SHMT1: variants seen among roughly 807,000 people sequenced by gnomAD.
The protein encoded by SHMT1 is serine hydroxymethyltransferase 1, also known as serine hydroxymethyltransferase, cytosolic.
A neutral mutation model predicts 49.0 loss-of-function variants in SHMT1; 45 were observed. The ratio of observed to expected loss-of-function variants is 0.92; its 90% CI spans 0.72 to 1.18. The LOEUF (loss-of-function observed/expected upper bound fraction) is 1.18, where lower values mean the gene tolerates loss of function less well. Ranked by LOEUF, SHMT1 falls within the 50% of genes most tolerant of loss-of-function variation. SHMT1 has a pLI of 0.00. For missense variants in SHMT1, 541 were observed against 612.4 expected, an observed-to-expected ratio of 0.88 and a Z score of 1.23; for synonymous variants, 232 against 246.6, an observed-to-expected ratio of 0.94 and a Z score of 0.55.
At chr17:18,337,260 C>T (rs1172255002) in intron 7 of SHMT1, among the ~76,000 whole-genome samples, 2 of 152,132 alleles carry the variant, frequency 1.3e-5, no homozygotes, top group African/African-American at 2.4e-5. Context: ...AGCGGGTGTG[C>T]GGCAGAGCTA....
intron 5 of SHMT1, among the ~76,000 whole-genome samples, chr17:18,346,917 T>A (rs1417426877): frequency 6.6e-6 from 1 of 152,204 alleles, no homozygotes; most frequent in Non-Finnish European, 1.5e-5. Flanking sequence ...TTTTGCACTA[T>A]CCTAAAGTTG....
intron 3 of SHMT1, among the ~76,000 whole-genome samples, chr17:18,350,924 G>A (rs1985624352): frequency 6.6e-6 from 1 of 151,600 alleles, no homozygotes. Flanking sequence ...GTAGAGACAG[G>A]GTTTCGACAT....
In SHMT1 at chr17:18,361,317, A is replaced by AAAAAAAC; in HGVS notation, c.-20+2054_-20+2055insGTTTTTT. ...CTGTCTCAAAAAAAAAAAAAAAAAC[A>AAAAAAAC]AAAACAAAAATTAGCCAGGCATGGT... On this transcript the variant is annotated intron_variant, in intron 1 of 11. Coordinates refer to ENST00000316694, the MANE Select transcript of SHMT1 (RefSeq NM_004169.5). 1.4e-5 allele frequency among the ~76,000 whole-genome samples: 2 copies of AAAAAAAC among 145,946 alleles called. 1 individual carries two copies.
At position 18,340,294 on chromosome 17, in the gene SHMT1, C is replaced by G; in HGVS notation, c.602-39G>C. The G allele has an allele frequency of 6.2e-7, 1 of 1,605,066 alleles. No individual in the cohort carries two copies. Among genetic ancestry groups the G allele is most frequent in the Non-Finnish European group, 8.5e-7 (1 of 1,172,786 alleles). Reference sequence around the variant, plus strand: ...GGTGACACAGCTGCATCAGAGATGTCCACCGGCCAGCTGAGTTGGCTTCAC... The same window carrying G: ...GGTGACACAGCTGCATCAGAGATGTGCACCGGCCAGCTGAGTTGGCTTCAC... On this transcript the variant is annotated intron_variant, in intron 6 of 11. Coordinates refer to ENST00000316694, the MANE Select transcript of SHMT1 (RefSeq NM_004169.5). This position sits in a 1 kb window ranked among gnomAD's most constrained non-coding sequence, Gnocchi z 4.5.
At position 18,332,773 on chromosome 17, in the gene SHMT1, C is replaced by T. The variant is rs373433946; in HGVS notation, c.1054+393G>A. 1.2e-4 allele frequency: 38 copies of T among 323,282 alleles called. No homozygotes were observed. In the East Asian group the frequency reaches 2.2e-3, roughly 19 times the overall value. The allele number at this position is 323,282 out of a possible 1,614,324, so 20.0% of individuals were successfully genotyped here. ...GAGAGCCCCTGCACCCCCAGCTCAG[C>T]GGGGTGAGAGAAGACACTCCCCTGG... On this transcript the variant is annotated intron_variant, in intron 9 of 11. Transcript: ENST00000316694.
At chr17:18,330,792 C>T in intron 9 of SHMT1, 121 bp from the exon 10 acceptor site, 1 of 727,700 alleles carries the variant, frequency 1.4e-6, no homozygotes, top group South Asian at 1.5e-5. Flanking sequence ...GTGAGCACCC[C>T]CACCACATGG....
chr17:18,329,531 CTAAAG>C (rs976360262), intron 10 of SHMT1, 143 bp from the exon 11 acceptor site: 1 of 708,438 alleles, frequency 1.4e-6, no homozygotes, highest in Non-Finnish European at 2.4e-6. Context: ...GATTCAGAAA[CTAAAG>C]TAGAACCCAA....
At chr17:18,353,887 C>T in intron 2 of SHMT1, 70 bp from the exon 3 acceptor site, 1 of 1,342,286 alleles carries the variant, frequency 7.4e-7, no homozygotes, top group Non-Finnish European at 1.1e-6. Flanking sequence ...ATCCAAATTA[C>T]AACCTCCTAA....
chr17:18,335,796 G>T, intron 7 of SHMT1, 121 bp from the exon 8 acceptor site: 1 of 797,586 alleles, frequency 1.3e-6, no homozygotes. Context: ...TCCTGGCATG[G>T]AGAACTGATT....
intron 7 of SHMT1, among the ~76,000 whole-genome samples, chr17:18,339,252 T>C (rs1256494985): frequency 1.3e-5 from 2 of 152,010 alleles, no homozygotes; most frequent in Non-Finnish European, 2.9e-5. Context: ...AGAAAAACCT[T>C]CACTAAAATG....
chr17:18,333,206 C>T lies in SHMT1; in HGVS notation c.1014G>A (p.Leu338=). 6.2e-7 allele frequency: 1 copy of T among 1,614,070 alleles called. No individual in the cohort carries two copies. The highest frequency in any genetic ancestry group is 1.1e-5 in the South Asian group (1 of 91,084). The stretch of plus-strand genomic sequence containing the variant: ...AGCCCAGCTCCGTCAGGGCCTCAGA[C>T]AGAGCCCTGCAGTTGGCCACCACCT... ...QHQVVANCRA[L]SEALTELGYK... The change falls in exon 9 of 12, where the codon CTG becomes CTA. Residue 338 remains leucine (L), a synonymous_variant. Coordinates refer to ENST00000316694, the MANE Select transcript of SHMT1 (RefSeq NM_004169.5).
In SHMT1 at chr17:18,359,677, G is replaced by T. The variant is rs574922651; in HGVS notation, c.-19-3677C>A. Among the ~76,000 whole-genome samples the T allele has an allele frequency of 4.6e-5, 7 of 152,118 alleles. No homozygotes were observed. In the South Asian group the frequency reaches 1.5e-3, roughly 32 times the overall value. On this transcript the variant is annotated intron_variant, in intron 1 of 11. Transcript: ENST00000316694. The stretch of plus-strand genomic sequence containing the variant: ...AATAAAAAAAAAAAGGCCAGGTGCA[G>T]TGGTTCACGCCTGTAATCCCAGCAC...
At position 18,328,771 on chromosome 17, in the gene SHMT1, C is replaced by T. The variant is rs762804733; in HGVS notation, c.1431G>A (p.Leu477=). 1 of 1,587,790 alleles carries T rather than the reference C, an allele frequency of 6.3e-7. No individual in the cohort carries two copies. Among genetic ancestry groups the T allele is most frequent in the Non-Finnish European group, 8.6e-7 (1 of 1,166,234 alleles). ...TCCTTTAGAAGTCAGGCAGGCCAGG[C>T]AGAGGGAAGAGAGAGGCGAAGCTCT... ...EVESFASLFP[L]PGLPDF Residue 477 remains leucine, a synonymous_variant, in exon 12 of 12, where the codon CTG becomes CTA. Coordinates refer to ENST00000316694, the MANE Select transcript of SHMT1 (RefSeq NM_004169.5).
chr17:18,353,016 T>G (rs1355575966), intron 3 of SHMT1, among the ~76,000 whole-genome samples: 1 of 152,178 alleles, frequency 6.6e-6, no homozygotes, highest in Non-Finnish European at 1.5e-5. Flanking sequence ...ATTCTCAGTC[T>G]TCTACATAGA....
intron 1 of SHMT1, among the ~76,000 whole-genome samples, chr17:18,361,164 G>C (rs1225438030): frequency 6.6e-6 from 1 of 151,912 alleles, no homozygotes; most frequent in African/African-American, 2.4e-5. Context: ...AAATGAGCTG[G>C]GTGTGTGGTG....
At chr17:18,359,026 C>A (rs572357805) in intron 1 of SHMT1, among the ~76,000 whole-genome samples, 4 of 151,246 alleles carry the variant, frequency 2.6e-5, no homozygotes, top group Admixed American at 2.6e-4. Context: ...GAGGCCAAGG[C>A]GTGCGGATCA....
intron 1 of SHMT1, among the ~76,000 whole-genome samples, chr17:18,358,631 G>A (rs1382204111): frequency 6.6e-6 from 1 of 152,222 alleles, no homozygotes; most frequent in East Asian, 1.9e-4. Context: ...GCTGGGTGTG[G>A]TGGTTCATGC....
chr17:18,361,397 G>A (rs1276567813), intron 1 of SHMT1, among the ~76,000 whole-genome samples: 1 of 150,720 alleles, frequency 6.6e-6, no homozygotes, highest in African/African-American at 2.4e-5. Flanking sequence ...AGAATAGCTT[G>A]AACCAGTGAG....
chr17:18,362,413 C>T (rs1567800591), intron 1 of SHMT1, among the ~76,000 whole-genome samples: 1 of 152,200 alleles, frequency 6.6e-6, no homozygotes, highest in East Asian at 1.9e-4. Flanking sequence ...CTCCACCTCC[C>T]GGGTTCAAGC....
Sources: gnomAD v4.1 joint callset for allele counts (sites outside exome capture counted in the v4.1 genomes callset) on GRCh38, gnomAD v4.1.1 for gene constraint, Gnocchi (gnomAD v3.1) non-coding constraint, MANE v1.5 for transcripts, NCBI Gene and HGNC (gene_info 2026-07-23, HGNC 2026-07-21) for gene names.